The following CDH17 variants were observed in gnomAD, a reference collection of about 807,000 sequenced individuals.
CDH17 encodes the protein cadherin 17.
A neutral mutation model predicts 86.3 loss-of-function variants in CDH17; 67 were observed. The ratio of observed to expected loss-of-function variants is 0.78; its 90% confidence interval spans 0.64 to 0.95. CDH17 has a LOEUF of 0.95. CDH17 is among the 40% of genes least tolerant of loss of function. The pLI is 0.00. For synonymous variants in CDH17, 367 were observed against 366.4 expected (o/e 1.00, Z -0.02); for missense variants, 993 against 1,017.6 (o/e 0.98, Z 0.33).
chr8:94,173,040 CA>C (rs1813299548), intron 7 of CDH17, among the ~76,000 whole-genome samples: 1 of 152,186 alleles, frequency 6.6e-6, no homozygotes, highest in Non-Finnish European at 1.5e-5. Context: ...ACCCCCAAAT[CA>C]AACCATGTCC....
At position 94,145,973 on chromosome 8, in the gene CDH17, C is replaced by T. The variant is rs760480983; in HGVS notation, c.2122G>A (p.Gly708Ser). The T allele has an allele frequency of 6.8e-6, 11 of 1,613,338 alleles. No homozygotes were observed. The highest frequency in any genetic ancestry group is 1.3e-5 in the African/African-American group (1 of 74,800). The change falls in exon 15 of 18, where the codon GGC becomes AGC. Residue 708 changes from glycine (G) to serine (S), a missense_variant. Coordinates refer to ENST00000027335, the MANE Select transcript of CDH17 (RefSeq NM_004063.4). The part of the protein sequence containing the change: ...FRGPHFTFSL[G>S]SGSLQNDWEV... ...CAGTCGTTTTGTAAGCTTCCACTGC[C>T]GAGGGAAAATGTAAAATGGGGACCC...
chr8:94,174,215 G>C lies in CDH17; in HGVS notation c.470C>G (p.Ala157Gly). Reference protein sequence around the residue: ...YVNATDLDDPATPNGQLYYQI... With the variant: ...YVNATDLDDPGTPNGQLYYQI... ...GTAATAAAGCTGGCCATTGGGAGTGGCCGGATCATCCAGGTCTGTGGCATT... is the reference window on the plus strand; with the variant it reads ...GTAATAAAGCTGGCCATTGGGAGTGCCCGGATCATCCAGGTCTGTGGCATT... Residue 157 changes from alanine (A) to glycine (G), a missense_variant, in exon 6 of 18, where the codon GCC (alanine) becomes GGC (glycine). Ala to Gly is a moderately conservative substitution (Grantham distance 60, BLOSUM62 0). Transcript: ENST00000027335. The C allele has an allele frequency of 6.2e-7, 1 of 1,613,568 alleles. No individual in the cohort carries two copies.
At chr8:94,165,522 C>T (rs1813134542) in intron 10 of CDH17, among the ~76,000 whole-genome samples, 1 of 152,166 alleles carries the variant, frequency 6.6e-6, no homozygotes, top group African/African-American at 2.4e-5. Flanking sequence ...TACATTTAAT[C>T]TCCTTTTGGC....
intron 10 of CDH17, among the ~76,000 whole-genome samples, chr8:94,163,813 G>A (rs1029023035): frequency 4.6e-5 from 7 of 152,150 alleles, no homozygotes; most frequent in African/African-American, 9.7e-5. Flanking sequence ...TCCTCAGAAC[G>A]TTTGTAGACA....
intron 15 of CDH17, among the ~76,000 whole-genome samples, chr8:94,141,230 G>C (rs1311477777): frequency 1.3e-5 from 2 of 149,102 alleles, no homozygotes; most frequent in Non-Finnish European, 3.0e-5. Context: ...AATACATGGA[G>C]AAAAAGCACT....
chr8:94,143,339 G>T (rs894796259), intron 15 of CDH17, among the ~76,000 whole-genome samples: 14 of 152,318 alleles, frequency 9.2e-5, no homozygotes, highest in Middle Eastern at 3.4e-3. Context: ...AGTAAACTAT[G>T]CTGTAAACAG....
intron 2 of CDH17, among the ~76,000 whole-genome samples, chr8:94,192,003 C>T (rs1207599979): frequency 6.6e-6 from 1 of 152,174 alleles, no homozygotes; most frequent in Non-Finnish European, 1.5e-5. Context: ...CAGCTTTGCA[C>T]TCATGTCAGC....
At chr8:94,137,845 A>G (rs1168298090) in intron 15 of CDH17, among the ~76,000 whole-genome samples, 1 of 152,208 alleles carries the variant, frequency 6.6e-6, no homozygotes, top group Non-Finnish European at 1.5e-5. Flanking sequence ...TATCATGTAG[A>G]TTATTTTATA....
At chr8:94,128,421 T>C (rs1812343759) in intron 17 of CDH17, 81 bp from the exon 18 acceptor site, 2 of 890,582 alleles carry the variant, frequency 2.2e-6, no homozygotes, top group African/African-American at 1.7e-5. Flanking sequence ...AGTATTGTGG[T>C]AGGAAAAAAA....
chr8:94,208,997 T>C (rs1218273080), upstream of CDH17, among the ~76,000 whole-genome samples: 1 of 152,168 alleles, frequency 6.6e-6, no homozygotes, highest in East Asian at 1.9e-4. Flanking sequence ...ACACAGTTCA[T>C]TGATAACCAG....
At chr8:94,135,212 C>T (rs1812498495) in intron 15 of CDH17, among the ~76,000 whole-genome samples, 1 of 152,130 alleles carries the variant, frequency 6.6e-6, no homozygotes, top group South Asian at 2.1e-4. Flanking sequence ...CCTGGATATC[C>T]TTGTTAACCT....
intron 1 of CDH17, among the ~76,000 whole-genome samples, chr8:94,203,291 A>T (rs1813957364): frequency 6.6e-6 from 1 of 152,228 alleles, no homozygotes; most frequent in South Asian, 2.1e-4. Context: ...CCTAGCACTA[A>T]GGCTGAGCCA....
chr8:94,146,330 TCTTA>T (rs1479475775), intron 14 of CDH17, among the ~76,000 whole-genome samples, 163 bp from the exon 15 acceptor site: 1 of 152,236 alleles, frequency 6.6e-6, no homozygotes, highest in African/African-American at 2.4e-5. Flanking sequence ...GGTGAAAAAG[TCTTA>T]CTGACCATCA....
At chr8:94,187,586 A>C (rs1251368999) in intron 3 of CDH17, among the ~76,000 whole-genome samples, 3 of 151,880 alleles carry the variant, frequency 2.0e-5, no homozygotes, top group Non-Finnish European at 4.4e-5. Flanking sequence ...AGCCAGAGTG[A>C]CCTTTTCTCA....
At chr8:94,188,930 C>G (rs1443967453) in intron 3 of CDH17, among the ~76,000 whole-genome samples, 1 of 152,196 alleles carries the variant, frequency 6.6e-6, no homozygotes, top group Non-Finnish European at 1.5e-5. Context: ...GCAGAGCCTG[C>G]AGCCACCAAG....
intron 12 of CDH17, among the ~76,000 whole-genome samples, chr8:94,157,673 T>C (rs560194328): frequency 2.0e-5 from 3 of 152,224 alleles, no homozygotes; most frequent in African/African-American, 7.2e-5. Flanking sequence ...TCCCAGCAAT[T>C]TGGGAGGCTG....
intron 1 of CDH17, chr8:94,202,927 T>C: frequency 6.2e-6 from 2 of 321,416 alleles, no homozygotes; most frequent in South Asian, 2.8e-5. Context: ...GGACAGGATT[T>C]TGGGCTTCCC....
chr8:94,214,152 G>A (rs570632468), intron 1 of CDH17, among the ~76,000 whole-genome samples: 4 of 152,206 alleles, frequency 2.6e-5, no homozygotes, highest in East Asian at 1.9e-4. Flanking sequence ...CAAAACATAC[G>A]CCTCCTAGAA....
intron 7 of CDH17, 28 bp downstream of exon 7, chr8:94,173,769 C>T: frequency 1.3e-6 from 2 of 1,578,914 alleles, no homozygotes; most frequent in Non-Finnish European, 8.7e-7. Flanking sequence ...CTAGTTGGCT[C>T]TCAGTGTTAC....
Sources: gnomAD v4.1 joint callset for allele counts (sites outside exome capture counted in the v4.1 genomes callset) on GRCh38, gnomAD v4.1.1 for gene constraint, MANE v1.5 for transcripts, NCBI Gene and HGNC (gene_info 2026-07-23, HGNC 2026-07-21) for gene names.